NRAP: variants seen among roughly 807,000 people sequenced by gnomAD.
The protein encoded by NRAP is nebulin-related-anchoring protein.
NRAP carries 189 observed loss-of-function variants against 225.9 expected under a neutral mutation model. That is an observed-to-expected ratio of 0.84 (90% CI 0.74 to 0.94). NRAP has a LOEUF of 0.94. NRAP is among the 40% of genes least tolerant of loss of function. The pLI, the probability that NRAP is intolerant of heterozygous loss-of-function variation, is 0.00. For synonymous variants in NRAP, 769 were observed against 790.7 expected (o/e 0.97, Z 0.46); for missense variants, 2,176 against 2,168.7 (o/e 1.00, Z -0.07).
intron 21 of NRAP, among the ~76,000 whole-genome samples, 188 bp downstream of exon 21, chr10:113,625,859 G>A (rs1848259603): frequency 6.6e-6 from 1 of 152,216 alleles, no homozygotes; most frequent in East Asian, 1.9e-4. Context: ...GGTGGTGGAT[G>A]AAGCAAGGGG....
intron 35 of NRAP, 50 bp from the exon 36 acceptor site, chr10:113,598,123 T>C: frequency 1.9e-6 from 2 of 1,081,032 alleles, no homozygotes; most frequent in Non-Finnish European, 2.9e-6. Flanking sequence ...TTAAGACTAG[T>C]ACAGCATTTC....
intron 21 of NRAP, 80 bp downstream of exon 21, chr10:113,625,967 C>A: frequency 1.1e-6 from 1 of 884,712 alleles, no homozygotes; most frequent in Non-Finnish European, 1.7e-6. Flanking sequence ...TGTGCCTGGG[C>A]GGCACCTGCT....
intron 25 of NRAP, among the ~76,000 whole-genome samples, chr10:113,618,649 T>C (rs1408204203): frequency 6.6e-6 from 1 of 152,212 alleles, no homozygotes; most frequent in Non-Finnish European, 1.5e-5. Flanking sequence ...CTCTCTGGAA[T>C]TAAGAAGGTG....
At chr10:113,617,038 G>T (rs561748497) in intron 26 of NRAP, among the ~76,000 whole-genome samples, 1 of 152,224 alleles carries the variant, frequency 6.6e-6, no homozygotes, top group Non-Finnish European at 1.5e-5. Flanking sequence ...CAAAGTCTCT[G>T]GGAAATTCAT....
chr10:113,600,660 G>C (rs1446621338), intron 35 of NRAP, among the ~76,000 whole-genome samples: 1 of 152,164 alleles, frequency 6.6e-6, no homozygotes, highest in Non-Finnish European at 1.5e-5. Flanking sequence ...GACTGAACCA[G>C]GAGTTAAGAG....
At chr10:113,603,722 A>G (rs550023934) in intron 35 of NRAP, among the ~76,000 whole-genome samples, 1 of 152,152 alleles carries the variant, frequency 6.6e-6, no homozygotes, top group South Asian at 2.1e-4. Flanking sequence ...TCAGCCTCAA[A>G]CAGGTCAAGG....
At chr10:113,638,599 A>T (rs1379838122) in intron 14 of NRAP, among the ~76,000 whole-genome samples, 1 of 152,256 alleles carries the variant, frequency 6.6e-6, no homozygotes, top group Non-Finnish European at 1.5e-5. Flanking sequence ...TAAAGGAGGT[A>T]CAGCAACAGA....
At position 113,620,661 on chromosome 10, in the gene NRAP, G is replaced by A. The variant is rs149084999; in HGVS notation, c.2817C>T (p.Val939=). The part of the protein sequence containing the change: ...DVKWMKGMGW[V]ATGSLNVEQA... ...GCTCCACATTTAATGACCCGGTGGC[G>A]ACCCAGCCCATGCCTTTCATCCACT... Residue 939 remains valine, a synonymous_variant, in exon 25 of 42, where the codon GTC becomes GTT. Transcript: ENST00000359988. 43 of 1,613,086 alleles carry A rather than the reference G, an allele frequency of 2.7e-5. No homozygotes were observed. The African/African-American group carries it at 4.1e-4, about 16-fold the overall frequency.
At chr10:113,615,677 G>A (rs768721586) in intron 27 of NRAP, 35 bp downstream of exon 27, 61 of 1,193,306 alleles carry the variant, frequency 5.1e-5, no homozygotes, top group Admixed American at 3.9e-4. Context: ...CCGCTCTCCC[G>A]TCATTAAAAC....
intron 14 of NRAP, among the ~76,000 whole-genome samples, chr10:113,636,113 G>A (rs767940179): frequency 2.0e-5 from 3 of 152,108 alleles, no homozygotes; most frequent in African/African-American, 4.8e-5. Context: ...CTCTTTTCTT[G>A]CCCAAGGCCA....
intron 17 of NRAP, 75 bp downstream of exon 17, chr10:113,631,782 T>C (rs1334966585): frequency 1.1e-5 from 11 of 1,010,682 alleles, no homozygotes; most frequent in Non-Finnish European, 1.7e-5. Flanking sequence ...GAGTCATTAT[T>C]TTTTTCAGCA....
intron 38 of NRAP, 80 bp from the exon 39 acceptor site, chr10:113,592,381 G>T: frequency 1.1e-6 from 1 of 906,812 alleles, no homozygotes; most frequent in Non-Finnish European, 1.7e-6. Flanking sequence ...AGCAGGAGTG[G>T]TTCTTAACCT....
At chr10:113,610,414 G>T in intron 31 of NRAP, 45 bp downstream of exon 31, 1 of 888,354 alleles carries the variant, frequency 1.1e-6, no homozygotes, top group Non-Finnish European at 1.9e-6. Context: ...ATTATCCTCT[G>T]CTGTGGAAAT....
chr10:113,618,024 C>G (rs977572214), intron 25 of NRAP, among the ~76,000 whole-genome samples: 7 of 152,124 alleles, frequency 4.6e-5, no homozygotes, highest in African/African-American at 1.4e-4. Context: ...CGAGCGTATG[C>G]CGTCCAGTCA....
chr10:113,654,841 G>A, intron 4 of NRAP, among the ~76,000 whole-genome samples: 1 of 152,204 alleles, frequency 6.6e-6, no homozygotes, highest in East Asian at 1.9e-4. Flanking sequence ...CATCCCAAAA[G>A]CTTGGAACAG....
intron 29 of NRAP, 58 bp from the exon 30 acceptor site, chr10:113,612,489 C>A (rs752451841): frequency 4.0e-5 from 57 of 1,439,204 alleles, no homozygotes; most frequent in Non-Finnish European, 5.3e-5. Context: ...GCAACAGGAC[C>A]ATCAGGGAGG....
At chr10:113,662,375 T>C (rs1850732191) in intron 3 of NRAP, among the ~76,000 whole-genome samples, 1 of 152,106 alleles carries the variant, frequency 6.6e-6, no homozygotes, top group African/African-American at 2.4e-5. Flanking sequence ...TTTTGAAATA[T>C]ATGATACATT....
intron 5 of NRAP, among the ~76,000 whole-genome samples, 186 bp downstream of exon 5, chr10:113,653,835 C>G (rs539684466): frequency 6.6e-6 from 1 of 152,310 alleles, no homozygotes; most frequent in South Asian, 2.1e-4. Flanking sequence ...GATTTGGCCT[C>G]TGCTTCTGTC....
intron 9 of NRAP, among the ~76,000 whole-genome samples, chr10:113,649,818 T>TA (rs952537389): frequency 6.6e-6 from 1 of 152,158 alleles, no homozygotes; most frequent in African/African-American, 2.4e-5. Context: ...TTTATTAATT[T>TA]AAAAAAAGAA....
Sources: allele counts gnomAD v4.1 joint callset (sites outside exome capture counted in the v4.1 genomes callset), GRCh38; gene constraint gnomAD v4.1.1; transcripts MANE v1.5; gene names NCBI Gene and HGNC (gene_info 2026-07-23, HGNC 2026-07-21).